Variants in PTPRD observed in about 807,000 individuals in gnomAD.
PTPRD encodes the protein receptor-type tyrosine-protein phosphatase delta.
In PTPRD, 34 loss-of-function variants were observed where a neutral mutation model predicts 214.5. The ratio of observed to expected loss-of-function variants is 0.16; its 90% CI spans 0.12 to 0.21. PTPRD has a LOEUF of 0.21. Ranked by LOEUF, PTPRD falls within the 10% of genes least tolerant of loss-of-function variation. The probability of loss-of-function intolerance (pLI) is 1.00; values close to 1 mark genes in which losing one functional copy is unlikely to be tolerated. For synonymous variants in PTPRD, 1,128 were observed against 845.7 expected (o/e 1.33, Z -5.79); for missense variants, 2,545 against 2,398.7 (o/e 1.06, Z -1.27).
chr9:10,419,813 G>C (rs1320584000), intron 2 of PTPRD, among the ~76,000 whole-genome samples: 1 of 151,644 alleles, frequency 6.6e-6, no homozygotes, highest in Admixed American at 6.6e-5. Flanking sequence ...CTTCAAAGCA[G>C]TCTGTTCATT....
At chr9:9,526,675 A>G (rs2074202356) in intron 8 of PTPRD, among the ~76,000 whole-genome samples, 1 of 152,140 alleles carries the variant, frequency 6.6e-6, no homozygotes, top group African/African-American at 2.4e-5. Flanking sequence ...TATCTTTGGA[A>G]TGTACTTTTA....
intron 35 of PTPRD, among the ~76,000 whole-genome samples, 190 bp from the exon 36 acceptor site, chr9:8,404,850 A>G (rs1680288864): frequency 6.6e-6 from 1 of 152,216 alleles, no homozygotes; most frequent in Non-Finnish European, 1.5e-5. Context: ...CACTGCAGAA[A>G]CAGTGATAGT....
At chr9:10,453,365 G>A (rs1316117465) in intron 2 of PTPRD, among the ~76,000 whole-genome samples, 1 of 151,440 alleles carries the variant, frequency 6.6e-6, no homozygotes, top group Non-Finnish European at 1.5e-5. Context: ...AAGAAGTTTG[G>A]TAGATATTGA....
chr9:9,351,437 A>C (rs1280243366), intron 9 of PTPRD, among the ~76,000 whole-genome samples: 8 of 152,022 alleles, frequency 5.3e-5, no homozygotes, highest in Admixed American at 5.3e-4. Flanking sequence ...ATGAGAACAA[A>C]TAATTCTATG....
chr9:8,765,042 G>A (rs914907272), intron 11 of PTPRD, among the ~76,000 whole-genome samples: 3 of 152,056 alleles, frequency 2.0e-5, no homozygotes, highest in Non-Finnish European at 4.4e-5. Context: ...TCAGTTGTGT[G>A]ATTATGATAA....
At chr9:8,496,211 A>C (rs111345464) in intron 26 of PTPRD, among the ~76,000 whole-genome samples, 6,537 of 90,900 alleles carry the variant, frequency 0.072, 432 homozygotes, top group African/African-American at 0.21. Context: ...CACACACACA[A>C]ACACACACAC....
rs552457696 is a variant in PTPRD, at chr9:9,616,309, C to T, written c.-286-41528G>A. Among the ~76,000 whole-genome samples the T allele has an allele frequency of 5.3e-5, 8 of 152,284 alleles. No homozygotes were observed. The South Asian group carries it at 1.2e-3, about 24-fold the overall frequency. ...TAAAATTCGAATTTAACTCCATGCC[C>T]TGTGTTTTTATTTGCTAAATCTGGC... On this transcript the variant is annotated intron_variant, in intron 7 of 45. Transcript: ENST00000381196.
At chr9:9,584,485 GTAAAA>G (rs1204572089) in intron 7 of PTPRD, among the ~76,000 whole-genome samples, 1 of 151,724 alleles carries the variant, frequency 6.6e-6, no homozygotes, top group Non-Finnish European at 1.5e-5. Context: ...AGCCACTAAA[GTAAAA>G]TATCTCCAAC....
At chr9:9,360,413 G>A (rs2138985841) in intron 9 of PTPRD, among the ~76,000 whole-genome samples, 2 of 151,190 alleles carry the variant, frequency 1.3e-5, no homozygotes, top group African/African-American at 2.4e-5. Context: ...ATTTCCTAAG[G>A]GGATGTTTTA....
At chr9:10,252,195 C>A (rs2092835796) in intron 3 of PTPRD, among the ~76,000 whole-genome samples, 1 of 96,508 alleles carries the variant, frequency 1.0e-5, no homozygotes, top group South Asian at 3.6e-4. Context: ...TTTGAAGCTG[C>A]ATGAAACTTT....
At chr9:9,752,256 A>G (rs528847998) in intron 6 of PTPRD, among the ~76,000 whole-genome samples, 1 of 152,178 alleles carries the variant, frequency 6.6e-6, no homozygotes, top group Admixed American at 6.6e-5. Flanking sequence ...AATTGAGAGG[A>G]AAATCTTGCC....
chr9:9,016,165 G>A (rs2099534218), intron 11 of PTPRD, among the ~76,000 whole-genome samples: 1 of 152,128 alleles, frequency 6.6e-6, no homozygotes, highest in African/African-American at 2.4e-5. Flanking sequence ...CCCTCCTTGG[G>A]AAGCGAAATT....
intron 7 of PTPRD, among the ~76,000 whole-genome samples, chr9:9,614,155 A>G (rs1317461246): frequency 5.3e-5 from 8 of 151,696 alleles, no homozygotes; most frequent in Non-Finnish European, 5.9e-5. Flanking sequence ...AATTATAGAT[A>G]AAGAAATTAG....
chr9:9,013,127 T>C (rs2099518689), intron 11 of PTPRD, among the ~76,000 whole-genome samples: 2 of 152,190 alleles, frequency 1.3e-5, no homozygotes, highest in Non-Finnish European at 2.9e-5. Context: ...TGAAAATTCT[T>C]GCTAGCTCTT....
intron 7 of PTPRD, among the ~76,000 whole-genome samples, chr9:9,607,720 T>C (rs1418808434): frequency 1.3e-5 from 2 of 150,394 alleles, no homozygotes; most frequent in African/African-American, 4.9e-5. Flanking sequence ...CTGATGTTAT[T>C]ATAATACAAA....
intron 2 of PTPRD, among the ~76,000 whole-genome samples, chr9:10,595,266 A>G (rs1338537263): frequency 7.2e-5 from 11 of 151,940 alleles, no homozygotes; most frequent in African/African-American, 2.4e-4. Flanking sequence ...CTAATTAAAG[A>G]AAATCAATGG....
chr9:9,301,161 G>T (rs1178635436), intron 9 of PTPRD, among the ~76,000 whole-genome samples: 1 of 151,662 alleles, frequency 6.6e-6, no homozygotes, highest in East Asian at 1.9e-4. Flanking sequence ...AATCTCCTCA[G>T]ATGACTAATT....
At chr9:9,371,764 C>G (rs1223275741) in intron 9 of PTPRD, among the ~76,000 whole-genome samples, 1 of 152,062 alleles carries the variant, frequency 6.6e-6, no homozygotes, top group East Asian at 1.9e-4. Flanking sequence ...CTATAAATTT[C>G]CCTCTACACA....
At chr9:9,599,780 T>A (rs2093620650) in intron 7 of PTPRD, among the ~76,000 whole-genome samples, 1 of 151,906 alleles carries the variant, frequency 6.6e-6, no homozygotes, top group Non-Finnish European at 1.5e-5. Context: ...AGCTTAAAAA[T>A]AAAATAGAAC....
Sources: allele counts gnomAD v4.1 joint callset (sites outside exome capture counted in the v4.1 genomes callset), GRCh38; gene constraint gnomAD v4.1.1; transcripts MANE v1.5; gene names NCBI Gene and HGNC (gene_info 2026-07-23, HGNC 2026-07-21).